Variants in TTYH3 observed in about 807,000 individuals in gnomAD.
TTYH3 encodes protein tweety homolog 3.
In TTYH3, 23 loss-of-function variants were observed where a neutral mutation model predicts 68.2. That is an observed-to-expected ratio of 0.34 (90% CI 0.24 to 0.48). The LOEUF (loss-of-function observed/expected upper bound fraction) is 0.48. TTYH3 is among the 20% of genes least tolerant of loss of function. TTYH3 has a pLI of 0.99. For missense variants in TTYH3, 768 were observed against 727.7 expected (o/e 1.06, Z -0.64); for synonymous variants, 360 against 332.8 (o/e 1.08, Z -0.89).
At chr7:2,657,365 ATGGTGG>A (rs1275127726) in intron 11 of TTYH3, among the ~76,000 whole-genome samples, 2 of 150,012 alleles carry the variant, frequency 1.3e-5, no homozygotes, top group Non-Finnish European at 3.0e-5. Context: ...GATGATGGTG[ATGGTGG>A]TGGTGATGGT....
rs1165680060 is a variant in TTYH3, at chr7:2,647,579, G to A, written c.567G>A (p.Arg189=). The change falls in exon 4 of 14, where the codon AGG becomes AGA. Residue 189 remains arginine, a synonymous_variant. Coordinates refer to ENST00000258796, the MANE Select transcript of TTYH3 (RefSeq NM_025250.3). ...ACACGGCCGCCATCCCCTTTTGGAGGAACACGGCGGTGTCGCTGGAGGTGC... is the reference window on the plus strand; with the variant it reads ...ACACGGCCGCCATCCCCTTTTGGAGAAACACGGCGGTGTCGCTGGAGGTGC... ...LGYTAAIPFW[R]NTAVSLEVLA... 1.3e-6 allele frequency: 2 copies of A among 1,571,904 alleles called. No homozygotes were observed. Among genetic ancestry groups the A allele is most frequent in the East Asian group, 2.4e-5 (1 of 42,460 alleles).
rs572730324 is a variant in TTYH3 at position 2,640,568 on chromosome 7, T to C, written c.124-6285T>C. 2.0e-5 allele frequency among the ~76,000 whole-genome samples: 3 copies of C among 152,292 alleles called. No individual in the cohort carries two copies. The East Asian group carries it at 5.8e-4, about 29-fold the overall frequency. On this transcript the variant is annotated intron_variant, in intron 1 of 13. Transcript: ENST00000258796. ...TGTGCAGGTGGCAGGCAGTGTGCCC[T>C]GCCCTGCTGTCATGCATGGCCCTCC...
intron 13 of TTYH3, chr7:2,660,633 T>TC (rs34248510): frequency 1.2e-6 from 1 of 853,214 alleles, no homozygotes; most frequent in African/African-American, 2.1e-5. Context: ...CCGTGGCTCC[T>TC]CCCCCCACCC....
intron 13 of TTYH3, chr7:2,660,032 G>C (rs886283340): frequency 2.3e-6 from 3 of 1,282,192 alleles, no homozygotes; most frequent in African/African-American, 3.4e-5. Context: ...TGTTCCCTCA[G>C]AGCGACAGGT....
At position 2,645,064 on chromosome 7, in the gene TTYH3, G is replaced by T. The variant is rs1461706538; in HGVS notation, c.124-1789G>T. On this transcript the variant is annotated intron_variant, in intron 1 of 13. Coordinates refer to ENST00000258796, the MANE Select transcript of TTYH3 (RefSeq NM_025250.3). This position sits in a 1 kb window ranked among gnomAD's most constrained non-coding sequence, Gnocchi z 4.8. ...TTTCTCTGCAGTAGTGCCAATGAGG[G>T]CAGCGCAGGTGTGCCTGGTGGCCAC... is the stretch of plus-strand genomic sequence containing the variant. 3.3e-5 allele frequency among the ~76,000 whole-genome samples: 5 copies of T among 152,200 alleles called. No individual in the cohort carries two copies. Among genetic ancestry groups the T allele is most frequent in the Non-Finnish European group, 2.9e-5 (2 of 68,022 alleles).
intron 1 of TTYH3, among the ~76,000 whole-genome samples, chr7:2,641,202 G>A (rs563186273): frequency 3.2e-4 from 48 of 152,322 alleles, no homozygotes; most frequent in African/African-American, 1.1e-3. Flanking sequence ...GGATCCTATC[G>A]GTAGCAACCT....
chr7:2,643,383 C>A (rs1298070131), intron 1 of TTYH3, among the ~76,000 whole-genome samples: 2 of 151,368 alleles, frequency 1.3e-5, no homozygotes, highest in African/African-American at 2.4e-5. Context: ...ATCGTAGAGT[C>A]CCCGGTACTC....
rs368141887 is a variant in TTYH3, at chr7:2,656,437, G to T, written c.1153G>T (p.Val385Leu). 3.7e-6 allele frequency: 6 copies of T among 1,611,748 alleles called. No homozygotes were observed. Among genetic ancestry groups the T allele is most frequent in the African/African-American group, 1.3e-5 (1 of 74,908 alleles). The change falls in exon 11 of 14, where the codon GTG becomes TTG. Residue 385 changes from valine (V) to leucine (L), a missense_variant. Transcript: ENST00000258796. Reference sequence around the variant, plus strand: ...GCTGACCGGCTTCTGCTATGACGGCGTGGAGGGCCTCATCTACCTGGCCCT... The same window carrying T: ...GCTGACCGGCTTCTGCTATGACGGCTTGGAGGGCCTCATCTACCTGGCCCT... Reference protein sequence around the residue: ...QALTGFCYDGVEGLIYLALFS... With the variant: ...QALTGFCYDGLEGLIYLALFS...
In TTYH3 at chr7:2,638,799, C is replaced by G. The variant is rs141659060; in HGVS notation, c.123+6521C>G. Reference sequence around the variant, plus strand: ...GTAGGGGCTGGGGCCACGTGTCCAGCTTGGCCGCATGGGGGGCTGAGGCCT... The same window carrying G: ...GTAGGGGCTGGGGCCACGTGTCCAGGTTGGCCGCATGGGGGGCTGAGGCCT... On this transcript the variant is annotated intron_variant, in intron 1 of 13. Transcript: ENST00000258796. Among the ~76,000 whole-genome samples, 166 of 152,302 alleles carry G rather than the reference C, an allele frequency of 1.1e-3. 1 individual carries two copies. The highest frequency in any genetic ancestry group is 3.7e-3 in the African/African-American group (153 of 41,562).
At chr7:2,633,260 G>A (rs895356929) in intron 1 of TTYH3, among the ~76,000 whole-genome samples, 1 of 152,176 alleles carries the variant, frequency 6.6e-6, no homozygotes, top group Admixed American at 6.5e-5. Context: ...TGGTGGGGTG[G>A]GGATGGCTTT....
intron 13 of TTYH3, chr7:2,660,407 G>C: frequency 2.0e-6 from 2 of 985,416 alleles, no homozygotes; most frequent in East Asian, 2.3e-4. Flanking sequence ...AGCAGGCCCT[G>C]CCCTGGAGGC....
chr7:2,644,816 G>A (rs1456729522), intron 1 of TTYH3, among the ~76,000 whole-genome samples: 2 of 152,204 alleles, frequency 1.3e-5, no homozygotes, highest in Non-Finnish European at 2.9e-5. Context: ...GGCCGCCTTC[G>A]GGTGTGGACG....
chr7:2,632,612 C>G (rs1026037725), intron 1 of TTYH3, among the ~76,000 whole-genome samples: 1 of 152,246 alleles, frequency 6.6e-6, no homozygotes, highest in African/African-American at 2.4e-5. Context: ...TCTCCCCACT[C>G]CGTGAGCCCC....
intron 5 of TTYH3, 108 bp from the exon 6 acceptor site, chr7:2,649,459 G>A (rs1786098978): frequency 1.8e-6 from 2 of 1,118,006 alleles, no homozygotes; most frequent in Non-Finnish European, 2.6e-6. Context: ...GCCCATGTGT[G>A]GGCTGACCCC....
rs986718051 is a variant in TTYH3, at chr7:2,658,443, C to G, written c.1408C>G (p.Pro470Ala). The change falls in exon 12 of 14, where the codon CCG (proline) becomes GCG (alanine). Residue 470 changes from proline (P) to alanine (A), a missense_variant. Transcript: ENST00000258796. ...PAAAHTVSNA[P>A]VTEYMSQNAN... Reference sequence around the variant, plus strand: ...CGCGGCCCACACCGTCAGCAACGCCCCGGTCACTGAGTACATGTGAGTTGA... The same window carrying G: ...CGCGGCCCACACCGTCAGCAACGCCGCGGTCACTGAGTACATGTGAGTTGA... 3 of 1,611,734 alleles carry G rather than the reference C, an allele frequency of 1.9e-6. No homozygotes were observed. The highest frequency in any genetic ancestry group is 2.7e-5 in the African/African-American group (2 of 74,922).
rs969317818 is a variant in TTYH3 at position 2,647,136 on chromosome 7, C to G, written c.294-6C>G. The G allele has an allele frequency of 1.3e-6, 2 of 1,596,966 alleles. No homozygotes were observed. The highest frequency in any genetic ancestry group is 1.1e-5 in the South Asian group (1 of 88,676). ...GGGCTACATCTCACGGGCCCGCCCT[C>G]TCCAGCGCCGGCATCGCAGTGGGAT... is the stretch of plus-strand genomic sequence containing the variant. On this transcript the variant is annotated splice_polypyrimidine_tract_variant and splice_region_variant and intron_variant, in intron 2 of 13. Coordinates refer to ENST00000258796, the MANE Select transcript of TTYH3 (RefSeq NM_025250.3).
chr7:2,656,098 C>G lies in TTYH3; in HGVS notation c.1027C>G (p.Leu343Val). The change falls in exon 10 of 14, where the codon CTC becomes GTC. Residue 343 changes from leucine to valine, a missense_variant. By Grantham distance (32) the Leu-to-Val change is conservative (BLOSUM62 1). Coordinates refer to ENST00000258796, the MANE Select transcript of TTYH3 (RefSeq NM_025250.3). ...TGCGGTGCGTGCCCCCCAGGACCCC[C>G]TCCTCCGCGTCCAGGAGGTGCTGAA... The part of the protein sequence containing the change: ...PWEQPATKDP[L>V]LRVQEVLNGT... 1 of 1,550,112 alleles carries G rather than the reference C, an allele frequency of 6.5e-7. No individual in the cohort carries two copies. Among genetic ancestry groups the G allele is most frequent in the Non-Finnish European group, 8.7e-7 (1 of 1,144,306 alleles).
intron 1 of TTYH3, among the ~76,000 whole-genome samples, chr7:2,641,031 T>C (rs975338833): frequency 2.0e-5 from 3 of 152,106 alleles, no homozygotes; most frequent in Non-Finnish European, 4.4e-5. Flanking sequence ...GGGGCTTCCC[T>C]GAAGGGGAAG....
In TTYH3 at chr7:2,662,152, G is replaced by GGCCGCTCTGTGCTGGC. The variant is rs1786515504; in HGVS notation, c.*417_*432dup. The GGCCGCTCTGTGCTGGC allele has an allele frequency of 1.1e-5, 4 of 365,708 alleles. No homozygotes were observed. The Admixed American group carries it at 1.2e-4, about 11-fold the overall frequency. 22.7% of individuals were successfully genotyped at this position (365,708 alleles called of 1,614,324 possible). A position where few individuals can be genotyped will look rare whatever the true frequency, so the allele number is the denominator to read the frequency against. ...CTTCTTAGTTCACAGGCACGGCTGG[G>GGCCGCTCTGTGCTGGC]GCCGCTCTGTGCTGGCGCCTGCTGG... is the stretch of plus-strand genomic sequence containing the variant. On this transcript the variant is annotated 3_prime_UTR_variant, in exon 14 of 14. Coordinates refer to ENST00000258796, the MANE Select transcript of TTYH3 (RefSeq NM_025250.3).
Sources: allele counts gnomAD v4.1 joint callset (sites outside exome capture counted in the v4.1 genomes callset), GRCh38; gene constraint gnomAD v4.1.1; non-coding constraint Gnocchi (gnomAD v3.1); transcripts MANE v1.5; gene names NCBI Gene and HGNC (gene_info 2026-07-23, HGNC 2026-07-21).